SLC8A1: variants seen among roughly 807,000 people sequenced by gnomAD.
The protein encoded by SLC8A1 is sodium/calcium exchanger 1.
Under a neutral mutation model 68.3 loss-of-function variants are expected in SLC8A1, and 18 were observed. The observed-to-expected ratio is 0.26, with a 90% CI of 0.18 to 0.39. SLC8A1 has a LOEUF of 0.39. Among genes scored for constraint, SLC8A1 ranks in the 10% least tolerant of loss-of-function variants. The pLI is 1.00. For missense variants in SLC8A1, 985 were observed against 1,156.7 expected (o/e 0.85, Z 2.15); for synonymous variants, 475 against 415.5 (o/e 1.14, Z -1.74).
At chr2:40,220,321 T>G (rs1346671650) in intron 2 of SLC8A1, 4 of 152,224 alleles carry the variant, frequency 2.6e-5, no homozygotes, top group Admixed American at 6.5e-5. Flanking sequence ...CTGAGACATC[T>G]CTGACTTGGC....
chr2:40,354,119 C>G (rs1039274193), intron 2 of SLC8A1, among the ~76,000 whole-genome samples: 3 of 152,160 alleles, frequency 2.0e-5, no homozygotes, highest in African/African-American at 7.2e-5. Flanking sequence ...ATTTTCAGAT[C>G]TCCCTCCATA....
chr2:40,265,325 T>G (rs1470580634), intron 2 of SLC8A1, among the ~76,000 whole-genome samples: 2 of 152,204 alleles, frequency 1.3e-5, no homozygotes, highest in Non-Finnish European at 2.9e-5. Flanking sequence ...ACTCAGGTCT[T>G]ATGGTATTAA....
At chr2:40,350,381 T>G (rs1206130654) in intron 2 of SLC8A1, among the ~76,000 whole-genome samples, 1 of 151,916 alleles carries the variant, frequency 6.6e-6, no homozygotes, top group Admixed American at 6.6e-5. Context: ...CTCAGGAGGC[T>G]GAGGTGGGAG....
intron 1 of SLC8A1, among the ~76,000 whole-genome samples, chr2:40,472,365 A>C (rs558979864): frequency 3.9e-5 from 6 of 152,154 alleles, no homozygotes; most frequent in Non-Finnish European, 8.8e-5. Context: ...TGACATGAGA[A>C]CACACATGAC....
chr2:40,436,052 G>A (rs186363712), intron 1 of SLC8A1, among the ~76,000 whole-genome samples: 1 of 151,368 alleles, frequency 6.6e-6, no homozygotes. Context: ...TTACAGGCAT[G>A]AACCACCACG....
intron 2 of SLC8A1, among the ~76,000 whole-genome samples, chr2:40,415,706 A>G (rs574324071): frequency 6.6e-6 from 1 of 151,932 alleles, no homozygotes; most frequent in Non-Finnish European, 1.5e-5. Flanking sequence ...AGCAATCTCA[A>G]CCAGGTGTGG....
chr2:40,201,490 C>G (rs2054352602), intron 2 of SLC8A1, among the ~76,000 whole-genome samples: 1 of 151,884 alleles, frequency 6.6e-6, no homozygotes, highest in South Asian at 2.1e-4. Context: ...TCAACCACAG[C>G]AAAATTATCT....
At chr2:40,391,158 AAT>A (rs1458762165) in intron 2 of SLC8A1, among the ~76,000 whole-genome samples, 1 of 90,582 alleles carries the variant, frequency 1.1e-5, no homozygotes, top group Non-Finnish European at 2.2e-5. Context: ...TATATATATA[AAT>A]ATATATGTAG....
Position 40,212,415 on chromosome 2 carries a change from G to A in SLC8A1, c.1809-34560C>T, listed in dbSNP as rs145161496. Among the ~76,000 whole-genome samples, 1,285 of 151,072 alleles carry A rather than the reference G, an allele frequency of 8.5e-3. 19 individuals are homozygous for A. Among genetic ancestry groups the A allele is most frequent in the African/African-American group, 0.029 (1,205 of 41,246 alleles). On this transcript the variant is annotated intron_variant, in intron 2 of 7. Coordinates refer to ENST00000406785, the Ensembl canonical transcript of SLC8A1. The stretch of plus-strand genomic sequence containing the variant: ...TTCTCCTGCCTCAGCCTCCCATGTA[G>A]CTGGGACTACAGGTGTATGCCACCA...
intron 2 of SLC8A1, among the ~76,000 whole-genome samples, chr2:40,288,483 C>T (rs1260200262): frequency 1.3e-5 from 2 of 152,002 alleles, no homozygotes; most frequent in African/African-American, 4.8e-5. Context: ...TTCTCCCCAG[C>T]CCCTACTCCT....
At chr2:40,306,360 G>C (rs1245238656) in intron 2 of SLC8A1, among the ~76,000 whole-genome samples, 1 of 151,956 alleles carries the variant, frequency 6.6e-6, no homozygotes, top group East Asian at 1.9e-4. Flanking sequence ...GGCAGGAATT[G>C]AGAAGGGTCT....
chr2:40,290,574 G>A (rs190978552), intron 2 of SLC8A1, among the ~76,000 whole-genome samples: 1 of 152,172 alleles, frequency 6.6e-6, no homozygotes. Flanking sequence ...ATAAGTCCAT[G>A]TTAAATACTC....
intron 2 of SLC8A1, among the ~76,000 whole-genome samples, chr2:40,322,113 T>C (rs1183072096): frequency 6.6e-6 from 1 of 152,134 alleles, no homozygotes; most frequent in African/African-American, 2.4e-5. Flanking sequence ...ACCCATATTA[T>C]ACTGCACTGG....
intron 2 of SLC8A1, among the ~76,000 whole-genome samples, chr2:40,187,876 G>A (rs1324403845): frequency 1.3e-5 from 2 of 152,100 alleles, no homozygotes; most frequent in Non-Finnish European, 2.9e-5. Flanking sequence ...AAATTACATG[G>A]GTGTATTAAA....
At chr2:40,164,412 C>T (rs2046208056) in intron 5 of SLC8A1, among the ~76,000 whole-genome samples, 1 of 152,176 alleles carries the variant, frequency 6.6e-6, no homozygotes, top group South Asian at 2.1e-4. Flanking sequence ...ATGGGATGTT[C>T]CATAGGGAGA....
At chr2:40,122,994 C>G (rs556849520) in intron 7 of SLC8A1, among the ~76,000 whole-genome samples, 2 of 152,182 alleles carry the variant, frequency 1.3e-5, no homozygotes, top group Non-Finnish European at 2.9e-5. Context: ...TCAGGGAACA[C>G]AAAACAGTGA....
intron 6 of SLC8A1, among the ~76,000 whole-genome samples, chr2:40,155,938 C>G (rs565019722): frequency 4.1e-4 from 63 of 152,216 alleles, no homozygotes; most frequent in African/African-American, 1.3e-3. Flanking sequence ...GTAGAAGATT[C>G]CACTGGCATT....
Position 40,139,690 on chromosome 2 carries a change from A to G in SLC8A1, c.2162-14T>C, listed in dbSNP as rs761672129. ...CATCATCTTCCCCTAGAGAGAATGG[A>G]AGGAAGCACATTTCATCACAACCTG... On this transcript the variant is annotated splice_polypyrimidine_tract_variant and intron_variant, in intron 6 of 7. Transcript: ENST00000406785. The G allele has an allele frequency of 1.2e-6, 2 of 1,608,376 alleles. No homozygotes were observed. The highest frequency in any genetic ancestry group is 2.2e-5 in the East Asian group (1 of 44,838).
chr2:40,496,424 G>T (rs1031941118), intron 1 of SLC8A1, among the ~76,000 whole-genome samples: 3 of 152,072 alleles, frequency 2.0e-5, no homozygotes, highest in Non-Finnish European at 2.9e-5. Flanking sequence ...GTTGGATCAA[G>T]ATCTGAATAA....
Sources: allele counts gnomAD v4.1 joint callset (sites outside exome capture counted in the v4.1 genomes callset), GRCh38; gene constraint gnomAD v4.1.1; transcripts MANE v1.5; gene names NCBI Gene and HGNC (gene_info 2026-07-23, HGNC 2026-07-21).